GPC5: variants seen among roughly 807,000 people sequenced by gnomAD.
GPC5 encodes the protein glypican 5, also known as glypican-5.
In GPC5, 47 loss-of-function variants were observed where a neutral mutation model predicts 53.9. The observed-to-expected ratio is 0.87, with a 90% CI of 0.69 to 1.11. The LOEUF is 1.11. Among genes scored for constraint, GPC5 ranks in the 50% most tolerant of loss-of-function variants. GPC5 has a pLI of 0.00. For synonymous variants in GPC5, 286 were observed against 263.3 expected (o/e 1.09, Z -0.84); for missense variants, 748 against 713.1 (o/e 1.05, Z -0.56).
chr13:91,426,457 A>G (rs1310756680), intron 1 of GPC5, among the ~76,000 whole-genome samples: 1 of 152,198 alleles, frequency 6.6e-6, no homozygotes, highest in Non-Finnish European at 1.5e-5. Context: ...TCACACAATC[A>G]CAAGGTGAAG....
At chr13:92,028,554 G>T (rs1227274134) in intron 6 of GPC5, among the ~76,000 whole-genome samples, 1 of 152,106 alleles carries the variant, frequency 6.6e-6, no homozygotes, top group East Asian at 1.9e-4. Context: ...TATTTGTGCT[G>T]GGTAATTTCA....
chr13:91,694,908 G>A (rs1454889015), intron 3 of GPC5, among the ~76,000 whole-genome samples: 1 of 152,052 alleles, frequency 6.6e-6, no homozygotes. Flanking sequence ...CGCGCCCAGC[G>A]ATTTCATTAC....
chr13:92,508,052 C>T (rs1483833870), intron 7 of GPC5, among the ~76,000 whole-genome samples: 1 of 152,116 alleles, frequency 6.6e-6, no homozygotes. Context: ...CAATCTCCGC[C>T]TCCCAGGTTC....
At chr13:91,592,605 T>C (rs565574290) in intron 2 of GPC5, among the ~76,000 whole-genome samples, 1 of 152,304 alleles carries the variant, frequency 6.6e-6, no homozygotes, top group East Asian at 1.9e-4. Flanking sequence ...CCTGCTCTGG[T>C]GCTGGCCACA....
chr13:92,437,542 T>A (rs1342497585), intron 7 of GPC5, among the ~76,000 whole-genome samples: 3 of 152,156 alleles, frequency 2.0e-5, no homozygotes, highest in Non-Finnish European at 4.4e-5. Flanking sequence ...TACAGCTTTT[T>A]AAAATTCTTA....
chr13:91,848,907 A>C (rs1050227196), intron 5 of GPC5, among the ~76,000 whole-genome samples: 12 of 152,198 alleles, frequency 7.9e-5, no homozygotes, highest in African/African-American at 2.7e-4. Flanking sequence ...TATTTTATGC[A>C]GTATGGTTAT....
intron 7 of GPC5, among the ~76,000 whole-genome samples, chr13:92,161,736 G>T (rs2041989372): frequency 6.6e-6 from 1 of 151,496 alleles, no homozygotes; most frequent in African/African-American, 2.4e-5. Flanking sequence ...AGTGCTAATT[G>T]TTAAGCTGAA....
chr13:92,462,412 G>A (rs1478285178), intron 7 of GPC5, among the ~76,000 whole-genome samples: 1 of 152,150 alleles, frequency 6.6e-6, no homozygotes, highest in Admixed American at 6.6e-5. Context: ...TATGAAAGAA[G>A]CATCCAGGTG....
intron 7 of GPC5, among the ~76,000 whole-genome samples, chr13:92,747,647 T>C (rs531185018): frequency 1.4e-4 from 21 of 152,242 alleles, no homozygotes; most frequent in East Asian, 5.8e-4. Context: ...ACGAAACCCA[T>C]TGTAACTTGT....
At chr13:91,565,094 A>G (rs1401558077) in intron 2 of GPC5, among the ~76,000 whole-genome samples, 3 of 151,966 alleles carry the variant, frequency 2.0e-5, no homozygotes, top group Non-Finnish European at 2.9e-5. Context: ...GGTTCAAGCA[A>G]TTCTCCTGCC....
At chr13:92,321,331 C>G (rs1420950064) in intron 7 of GPC5, among the ~76,000 whole-genome samples, 1 of 152,182 alleles carries the variant, frequency 6.6e-6, no homozygotes, top group African/African-American at 2.4e-5. Context: ...CGGTGGCTGA[C>G]GCCTGTAATC....
intron 5 of GPC5, among the ~76,000 whole-genome samples, chr13:91,887,317 C>T (rs985712856): frequency 2.0e-5 from 3 of 152,166 alleles, no homozygotes; most frequent in Admixed American, 6.5e-5. Flanking sequence ...CTGCACACAG[C>T]AGGGGCACCT....
intron 7 of GPC5, among the ~76,000 whole-genome samples, chr13:92,643,137 T>A (rs1288730696): frequency 6.6e-6 from 1 of 152,150 alleles, no homozygotes; most frequent in Non-Finnish European, 1.5e-5. Context: ...CTTTGTCAGA[T>A]GAGGAGGTTG....
chr13:92,428,484 A>T (rs1876941813), intron 7 of GPC5, among the ~76,000 whole-genome samples: 1 of 152,094 alleles, frequency 6.6e-6, no homozygotes, highest in Admixed American at 6.6e-5. Flanking sequence ...TTACACTAAC[A>T]GTTCTCTTAC....
At chr13:92,824,172 C>G (rs1163161962) in intron 7 of GPC5, among the ~76,000 whole-genome samples, 2 of 151,886 alleles carry the variant, frequency 1.3e-5, no homozygotes, top group Non-Finnish European at 2.9e-5. Context: ...TTTCCATTTC[C>G]TCTTATCATC....
chr13:91,630,145 TA>T (rs2034118942), intron 2 of GPC5, among the ~76,000 whole-genome samples: 1 of 152,208 alleles, frequency 6.6e-6, no homozygotes, highest in African/African-American at 2.4e-5. Flanking sequence ...GGGACTGTAT[TA>T]ATATTCATTT....
chr13:92,841,943 T>G (rs999439974), intron 7 of GPC5, among the ~76,000 whole-genome samples: 61 of 152,186 alleles, frequency 4.0e-4, no homozygotes, highest in African/African-American at 1.4e-3. Context: ...ATTTAGAGAT[T>G]TGATTAGGTA....
chr13:92,085,580 A>C (rs1345823237), intron 6 of GPC5, among the ~76,000 whole-genome samples: 1 of 152,150 alleles, frequency 6.6e-6, no homozygotes, highest in Non-Finnish European at 1.5e-5. Context: ...TGAGCCCCTT[A>C]CATTTATTGT....
intron 6 of GPC5, among the ~76,000 whole-genome samples, chr13:92,133,671 A>G (rs1412069868): frequency 6.6e-6 from 1 of 152,100 alleles, no homozygotes; most frequent in East Asian, 1.9e-4. Context: ...TTTCAATGAC[A>G]TCAGTCTCAT....
Sources: allele counts gnomAD v4.1 joint callset (sites outside exome capture counted in the v4.1 genomes callset), GRCh38; gene constraint gnomAD v4.1.1; transcripts MANE v1.5; gene names NCBI Gene and HGNC (gene_info 2026-07-23, HGNC 2026-07-21).